The following PADI3 variants were observed in gnomAD, a reference collection of about 807,000 sequenced individuals.
PADI3 encodes protein-arginine deiminase type-3.
In PADI3, 53 loss-of-function variants were observed where a neutral mutation model predicts 71.5. That is an observed-to-expected ratio of 0.74 (90% CI 0.59 to 0.93). The LOEUF (loss-of-function observed/expected upper bound fraction) is 0.93. Among genes scored for constraint, PADI3 ranks in the 40% least tolerant of loss-of-function variants. The probability of loss-of-function intolerance (pLI) is 0.00; values close to 1 mark genes in which losing one functional copy is unlikely to be tolerated. For synonymous variants in PADI3, 361 were observed against 347.5 expected (o/e 1.04, Z -0.43); for missense variants, 821 against 868.0 (o/e 0.95, Z 0.68).
chr1:17,257,031 C>CAAAAA (rs967292996), intron 1 of PADI3, among the ~76,000 whole-genome samples: 2 of 37,606 alleles, frequency 5.3e-5, no homozygotes, highest in African/African-American at 8.9e-5. Context: ...GACTCTGTCT[C>CAAAAA]AAAAAAAAAA....
chr1:17,258,346 T>G (rs1208650765), intron 1 of PADI3, among the ~76,000 whole-genome samples: 1 of 152,046 alleles, frequency 6.6e-6, no homozygotes, highest in East Asian at 1.9e-4. Context: ...GGATCAACAG[T>G]GGGGAGAGCA....
At chr1:17,250,526 A>T (rs189390153) in intron 1 of PADI3, among the ~76,000 whole-genome samples, 1 of 152,216 alleles carries the variant, frequency 6.6e-6, no homozygotes, top group East Asian at 1.9e-4. Context: ...AGGGCATTGG[A>T]TGAGAGGGGG....
At chr1:17,265,578 C>A (rs2100574889) in intron 3 of PADI3, 81 bp from the exon 4 acceptor site, 2 of 1,248,272 alleles carry the variant, frequency 1.6e-6, no homozygotes, top group South Asian at 1.2e-5. Flanking sequence ...CTTTGCTCAG[C>A]CCCAGACAAG....
intron 1 of PADI3, among the ~76,000 whole-genome samples, chr1:17,250,274 C>G (rs1396900964): frequency 6.6e-6 from 1 of 152,172 alleles, no homozygotes; most frequent in Non-Finnish European, 1.5e-5. Context: ...ACTGCTGTCA[C>G]GATACCTCTT....
chr1:17,265,830 G>A (rs575238365), intron 4 of PADI3, 110 bp downstream of exon 4: 2 of 944,458 alleles, frequency 2.1e-6, no homozygotes, highest in South Asian at 2.8e-5. Context: ...CCCAGCTGAT[G>A]CCGAGACCAA....
chr1:17,267,011 A>G (rs1471716674), intron 5 of PADI3, among the ~76,000 whole-genome samples, 175 bp downstream of exon 5: 1 of 152,028 alleles, frequency 6.6e-6, no homozygotes, highest in Non-Finnish European at 1.5e-5. Flanking sequence ...GCCCCTCCCT[A>G]GTGTCTCTAG....
intron 15 of PADI3, among the ~76,000 whole-genome samples, chr1:17,282,239 A>C (rs1208038396): frequency 6.6e-6 from 1 of 152,168 alleles, no homozygotes; most frequent in African/African-American, 2.4e-5. Context: ...TCTTAATATA[A>C]GGACACCAGA....
Position 17,276,818 on chromosome 1 carries a change from C to T in PADI3, c.1497C>T (p.Leu499=), listed in dbSNP as rs139994227. ...LLASPGACFK[L]FQEKQKCGHG... Reference sequence around the variant, plus strand: ...CCAGCCCTGGGGCCTGCTTCAAGCTCTTCCAGGAAAAGCAGAAGTGTGGCC... The same window carrying T: ...CCAGCCCTGGGGCCTGCTTCAAGCTTTTCCAGGAAAAGCAGAAGTGTGGCC... Residue 499 remains leucine (L), a synonymous_variant, in exon 13 of 16, where the codon CTC becomes CTT. Coordinates refer to ENST00000375460, the MANE Select transcript of PADI3 (RefSeq NM_016233.2). 2 of 1,613,690 alleles carry T rather than the reference C, an allele frequency of 1.2e-6. No individual in the cohort carries two copies. The highest frequency in any genetic ancestry group is 2.2e-5 in the East Asian group (1 of 44,892).
chr1:17,250,823 T>TCCCAGGAAGCCTGGGCCTGGCTCCTCC (rs1553132511), intron 1 of PADI3, among the ~76,000 whole-genome samples: 1 of 152,042 alleles, frequency 6.6e-6, no homozygotes, highest in Admixed American at 6.5e-5. Flanking sequence ...GTTTGACCTG[T>TCCCAGGAAGCCTGGGCCTGGCTCCTCC]CCCAGGAAGC....
At chr1:17,251,355 A>G (rs2072963777) in intron 1 of PADI3, among the ~76,000 whole-genome samples, 1 of 152,190 alleles carries the variant, frequency 6.6e-6, no homozygotes, top group Non-Finnish European at 1.5e-5. Flanking sequence ...AACAAGAGAA[A>G]GGGCAGTAGG....
intron 3 of PADI3, among the ~76,000 whole-genome samples, chr1:17,264,893 C>A (rs987854626): frequency 6.6e-6 from 1 of 151,852 alleles, no homozygotes; most frequent in Non-Finnish European, 1.5e-5. Flanking sequence ...CACCAGTAGT[C>A]CCAGCCTCAG....
At chr1:17,270,825 C>T (rs566038559) in intron 7 of PADI3, 54 bp from the exon 8 acceptor site, 1 of 1,285,820 alleles carries the variant, frequency 7.8e-7, no homozygotes, top group South Asian at 1.2e-5. Context: ...AGAGTCCCCC[C>T]AGGCCTCTGG....
Position 17,271,186 on chromosome 1 carries a change from C to G in PADI3, c.1047+8C>G, listed in dbSNP as rs2073245706. The G allele has an allele frequency of 1.2e-6, 2 of 1,610,188 alleles. No homozygotes were observed. The highest frequency in any genetic ancestry group is 1.3e-5 in the African/African-American group (1 of 74,850). ...AACGACCGCTGGATCCAGGTAACCA[C>G]AGCCACTGGGCAGGGCCCAGCAAGG... On this transcript the variant is annotated splice_region_variant and intron_variant, in intron 9 of 15. Coordinates refer to ENST00000375460, the MANE Select transcript of PADI3 (RefSeq NM_016233.2).
At position 17,268,048 on chromosome 1, in the gene PADI3, G is replaced by C; in HGVS notation, c.652+86G>C. The C allele has an allele frequency of 2.6e-6, 4 of 1,515,446 alleles. No homozygotes were observed. In the South Asian group the frequency reaches 4.6e-5, roughly 17 times the overall value. 93.9% of individuals were successfully genotyped at this position (1,515,446 alleles called of 1,614,324 possible). A position where few individuals can be genotyped will look rare whatever the true frequency, so the allele number is the denominator to read the frequency against. ...ACCTCCTGTTCCTGCCTTGGGCCAT[G>C]GGCAGGTCCTGCTTACACTCCGGGA... On this transcript the variant is annotated intron_variant, in intron 6 of 15. Coordinates refer to ENST00000375460, the MANE Select transcript of PADI3 (RefSeq NM_016233.2).
intron 6 of PADI3, among the ~76,000 whole-genome samples, chr1:17,269,870 C>T (rs1208328857): frequency 3.3e-5 from 5 of 152,114 alleles, no homozygotes; most frequent in Admixed American, 2.6e-4. Context: ...CCACCGCCTT[C>T]GGTCTCCCAA....
At chr1:17,261,686 A>C (rs1376806456) in intron 2 of PADI3, among the ~76,000 whole-genome samples, 1 of 152,210 alleles carries the variant, frequency 6.6e-6, no homozygotes, top group Non-Finnish European at 1.5e-5. Flanking sequence ...CATTTTGCAG[A>C]GGAGAAAACT....
In PADI3 at chr1:17,268,099, AG is replaced by A. The variant is rs2073196217; in HGVS notation, c.652+138del. 4.3e-6 allele frequency: 4 copies of A among 935,962 alleles called. No homozygotes were observed. The East Asian group carries it at 9.8e-5, about 23-fold the overall frequency. The allele number at this position is 935,962 out of a possible 1,614,324, so 58.0% of individuals were successfully genotyped here. A position where few individuals can be genotyped will look rare whatever the true frequency, so the allele number is the denominator to read the frequency against. ...GATGCCCTGGTGGGTGGCGGGTCGCAGTAAGAACAGTCAGAAGTGGGGGCTT... is the reference window on the plus strand; with the variant it reads ...GATGCCCTGGTGGGTGGCGGGTCGCATAAGAACAGTCAGAAGTGGGGGCTT... On this transcript the variant is annotated intron_variant, in intron 6 of 15. Transcript: ENST00000375460.
At chr1:17,276,977 G>T (rs72646785) in intron 13 of PADI3, 101 bp downstream of exon 13, 130,636 of 953,032 alleles carry the variant, frequency 0.14, 10,484 homozygotes, top group Non-Finnish European at 0.16. Context: ...TTAAAGCAGG[G>T]GTGTGTCCCC....
At chr1:17,282,259 G>T (rs2073411742) in intron 15 of PADI3, among the ~76,000 whole-genome samples, 1 of 152,168 alleles carries the variant, frequency 6.6e-6, no homozygotes, top group African/African-American at 2.4e-5. Context: ...AAACCTGAGG[G>T]CAGGATAGCT....
Sources: gnomAD v4.1 joint callset for allele counts (sites outside exome capture counted in the v4.1 genomes callset) on GRCh38, gnomAD v4.1.1 for gene constraint, MANE v1.5 for transcripts, NCBI Gene and HGNC (gene_info 2026-07-23, HGNC 2026-07-21) for gene names.